SYN3: variants seen among roughly 807,000 people sequenced by gnomAD.
SYN3 encodes synapsin-3.
A neutral mutation model predicts 65.8 loss-of-function variants in SYN3; 35 were observed. The ratio of observed to expected loss-of-function variants is 0.53; its 90% CI spans 0.41 to 0.70. The LOEUF is 0.70. SYN3 is among the 30% of genes least tolerant of loss of function. SYN3 has a pLI of 0.00. For missense variants in SYN3, 680 were observed against 749.0 expected (o/e 0.91, Z 1.08); for synonymous variants, 270 against 292.9 (o/e 0.92, Z 0.80).
At chr22:32,721,266 G>A (rs1569172559) in intron 6 of SYN3, among the ~76,000 whole-genome samples, 1 of 152,188 alleles carries the variant, frequency 6.6e-6, no homozygotes, top group Non-Finnish European at 1.5e-5. Flanking sequence ...GGTAAAGGTG[G>A]TCCATGGGGT....
At chr22:33,039,467 C>G (rs2053923155) in intron 1 of SYN3, among the ~76,000 whole-genome samples, 1 of 151,616 alleles carries the variant, frequency 6.6e-6, no homozygotes, top group African/African-American at 2.4e-5. Context: ...CCTCCGCCTC[C>G]TGGGTTCAAG....
chr22:32,986,629 A>T (rs1174198853), intron 2 of SYN3, among the ~76,000 whole-genome samples: 1 of 152,086 alleles, frequency 6.6e-6, no homozygotes, highest in East Asian at 1.9e-4. Flanking sequence ...GGAATTCTAG[A>T]TGCCTTTGGG....
chr22:32,903,926 C>T (rs560392474), intron 4 of SYN3, among the ~76,000 whole-genome samples: 25 of 152,266 alleles, frequency 1.6e-4, no homozygotes, highest in African/African-American at 5.3e-4. Context: ...ATGTATTGGG[C>T]CCCGGGCCAG....
intron 4 of SYN3, among the ~76,000 whole-genome samples, chr22:32,894,339 C>A (rs1480109684): frequency 6.6e-6 from 1 of 152,206 alleles, no homozygotes; most frequent in African/African-American, 2.4e-5. Flanking sequence ...GCACAGGCTG[C>A]TCTGATAAAT....
chr22:32,611,274 TTTTTTTTTTG>T lies in SYN3; in HGVS notation c.712-14548_712-14539del, dbSNP rs1235464420. 1.0e-4 allele frequency among the ~76,000 whole-genome samples: 11 copies of T among 107,868 alleles called. No individual in the cohort carries two copies. The East Asian group carries it at 2.2e-3, about 21-fold the overall frequency. 70.8% of individuals were successfully genotyped at this position (107,868 alleles called of 152,430 possible). A position where few individuals can be genotyped will look rare whatever the true frequency, so the allele number is the denominator to read the frequency against. On this transcript the variant is annotated intron_variant, in intron 6 of 13. Coordinates refer to ENST00000358763, the MANE Select transcript of SYN3 (RefSeq NM_003490.4). ...TGAGAGCAGAGGGCTTCAGCTAGAGTTTTTTTTTTGTTTTTTTTTTTTTTTTTTTTTGTGG... is the reference window on the plus strand; with the variant it reads ...TGAGAGCAGAGGGCTTCAGCTAGAGTTTTTTTTTTTTTTTTTTTTTTGTGG...
intron 12 of SYN3, among the ~76,000 whole-genome samples, chr22:32,520,359 ACTC>A (rs2057858864): frequency 6.7e-6 from 1 of 148,856 alleles, no homozygotes; most frequent in African/African-American, 2.5e-5. Flanking sequence ...CTGGTCTTGA[ACTC>A]CTGGCCTCAA....
At chr22:32,756,346 A>T (rs1386155042) in intron 6 of SYN3, among the ~76,000 whole-genome samples, 1 of 152,256 alleles carries the variant, frequency 6.6e-6, no homozygotes, top group African/African-American at 2.4e-5. Context: ...TGGGTGCAGC[A>T]CACCAACATG....
rs117625461 is a variant in SYN3 at position 32,536,769 on chromosome 22, C to T, written c.992+1267G>A. On this transcript the variant is annotated intron_variant, in intron 9 of 13. Coordinates refer to ENST00000358763, the MANE Select transcript of SYN3 (RefSeq NM_003490.4). ...GCCACCATGAAATGAAAGAGCCTGC[C>T]TGGATGAAGCCAACACACAAAGAAG... Among the ~76,000 whole-genome samples, 11 of 152,288 alleles carry T rather than the reference C, an allele frequency of 7.2e-5. No individual in the cohort carries two copies. The East Asian group carries it at 2.1e-3, about 29-fold the overall frequency.
Position 32,774,791 on chromosome 22 carries a change from TC to T in SYN3, c.711+90123del, listed in dbSNP as rs1219546975. On this transcript the variant is annotated intron_variant, in intron 6 of 13. Transcript: ENST00000358763. ...GTACTTTTAGTAGAGATGGGGTTTC[TC>T]CATGTTGGTCAGGCTGGTCTTCTCC... is the stretch of plus-strand genomic sequence containing the variant. Among the ~76,000 whole-genome samples the T allele has an allele frequency of 2.6e-5, 4 of 152,254 alleles. No individual in the cohort carries two copies. In the East Asian group the frequency reaches 7.7e-4, roughly 29 times the overall value.
intron 4 of SYN3, among the ~76,000 whole-genome samples, chr22:32,889,208 ACT>A (rs2049373435): frequency 6.6e-6 from 1 of 151,632 alleles, no homozygotes; most frequent in Non-Finnish European, 1.5e-5. Context: ...TCTTGGAATA[ACT>A]CTCTATCAGG....
At chr22:32,911,772 G>T (rs1406790920) in intron 4 of SYN3, among the ~76,000 whole-genome samples, 1 of 152,104 alleles carries the variant, frequency 6.6e-6, no homozygotes, top group Admixed American at 6.6e-5. Context: ...AAAGGTGACA[G>T]CCTCTCCTCT....
intron 4 of SYN3, among the ~76,000 whole-genome samples, chr22:32,882,443 A>G (rs2049167828): frequency 6.6e-6 from 1 of 152,240 alleles, no homozygotes; most frequent in African/African-American, 2.4e-5. Flanking sequence ...AAGATTTGAC[A>G]AACTCAGTTG....
intron 6 of SYN3, among the ~76,000 whole-genome samples, chr22:32,626,319 C>T (rs952676258): frequency 1.3e-5 from 2 of 152,168 alleles, no homozygotes; most frequent in African/African-American, 4.8e-5. Context: ...GACTTCTGTA[C>T]ACCTCCCAAA....
intron 6 of SYN3, among the ~76,000 whole-genome samples, chr22:32,812,725 G>C (rs1043564175): frequency 6.6e-6 from 1 of 152,198 alleles, no homozygotes; most frequent in African/African-American, 2.4e-5. Flanking sequence ...ACACATGTGT[G>C]ATCTGATGGA....
chr22:33,023,911 ATT>A (rs1278426147), intron 1 of SYN3, among the ~76,000 whole-genome samples: 1 of 152,072 alleles, frequency 6.6e-6, no homozygotes, highest in Non-Finnish European at 1.5e-5. Flanking sequence ...TCACAATATT[ATT>A]TCTGGACTTT....
chr22:32,627,527 C>A (rs2059685253), intron 6 of SYN3, among the ~76,000 whole-genome samples: 1 of 152,064 alleles, frequency 6.6e-6, no homozygotes, highest in Non-Finnish European at 1.5e-5. Context: ...AGGGACACAC[C>A]CAGAAGCTGA....
In SYN3 at chr22:32,509,464, G is replaced by C. The variant is rs8142304; in HGVS notation, c.*4228C>G. 0.17 allele frequency among the ~76,000 whole-genome samples: 25,528 copies of C among 152,112 alleles called. 2,371 individuals carry two copies. The highest frequency in any genetic ancestry group is 0.22 in the Non-Finnish European group (14,982 of 67,980). ...AAAGGTTACATGTTTGGAAGGAACAGGTACTAGTCTATGTGACAGAACAGA... is the reference window on the plus strand; with the variant it reads ...AAAGGTTACATGTTTGGAAGGAACACGTACTAGTCTATGTGACAGAACAGA... On this transcript the variant is annotated 3_prime_UTR_variant, in exon 14 of 14. Coordinates refer to ENST00000358763, the MANE Select transcript of SYN3 (RefSeq NM_003490.4).
chr22:32,756,606 G>T (rs1048635061), intron 6 of SYN3, among the ~76,000 whole-genome samples: 1 of 152,140 alleles, frequency 6.6e-6, no homozygotes, highest in Non-Finnish European at 1.5e-5. Flanking sequence ...GGTCATGGGA[G>T]TGGATCCCTC....
chr22:32,673,006 G>A (rs966743347), intron 6 of SYN3, among the ~76,000 whole-genome samples: 6 of 152,210 alleles, frequency 3.9e-5, no homozygotes, highest in Non-Finnish European at 8.8e-5. Context: ...CCTTTGGAGG[G>A]CCCCAGATGG....
Sources: allele counts gnomAD v4.1 joint callset (sites outside exome capture counted in the v4.1 genomes callset), GRCh38; gene constraint gnomAD v4.1.1; transcripts MANE v1.5; gene names NCBI Gene and HGNC (gene_info 2026-07-23, HGNC 2026-07-21).